The following ROR2 variants were observed in gnomAD, a reference collection of about 807,000 sequenced individuals.
ROR2 encodes the protein ROR family WNT receptor 2.
A neutral mutation model predicts 74.9 loss-of-function variants in ROR2; 33 were observed. The observed-to-expected ratio is 0.44, with a 90% CI of 0.33 to 0.59. ROR2 has a LOEUF of 0.59. ROR2 is among the 20% of genes least tolerant of loss of function. ROR2 has a pLI of 0.02. For missense variants in ROR2, 1,216 were observed against 1,313.8 expected, an observed-to-expected ratio of 0.93 and a Z score of 1.15; for synonymous variants, 586 against 558.7, an observed-to-expected ratio of 1.05 and a Z score of -0.69.
At chr9:91,838,961 T>G (rs1294915690) in intron 1 of ROR2, among the ~76,000 whole-genome samples, 3 of 152,090 alleles carry the variant, frequency 2.0e-5, no homozygotes, top group Non-Finnish European at 4.4e-5. Flanking sequence ...TAGATAAATT[T>G]CAGTTTGGGA....
At chr9:91,870,913 A>G (rs1252437888) in intron 1 of ROR2, among the ~76,000 whole-genome samples, 1 of 152,260 alleles carries the variant, frequency 6.6e-6, no homozygotes, top group African/African-American at 2.4e-5. Flanking sequence ...TAGTTTCTGG[A>G]ATGCTATCAA....
intron 1 of ROR2, among the ~76,000 whole-genome samples, chr9:91,839,798 G>C (rs73651569): frequency 6.6e-6 from 1 of 151,668 alleles, no homozygotes; most frequent in Non-Finnish European, 1.5e-5. Flanking sequence ...TGTCCCGGGG[G>C]AGCCTCGGGA....
chr9:91,939,011 G>A (rs909218609), intron 1 of ROR2, among the ~76,000 whole-genome samples: 45 of 152,184 alleles, frequency 3.0e-4, no homozygotes, highest in Non-Finnish European at 3.2e-4. Context: ...AGCACTGTGG[G>A]AGGCCAAGGC....
chr9:91,909,405 G>A (rs917084178), intron 1 of ROR2, among the ~76,000 whole-genome samples: 15 of 152,278 alleles, frequency 9.9e-5, no homozygotes, highest in Non-Finnish European at 1.9e-4. Context: ...GTGTTGCCAA[G>A]GCTGGAGTGT....
chr9:91,795,423 T>C (rs1756969713), intron 1 of ROR2, among the ~76,000 whole-genome samples: 1 of 152,242 alleles, frequency 6.6e-6, no homozygotes, highest in African/African-American at 2.4e-5. Context: ...AAACTACTGT[T>C]TGTGATTATC....
chr9:91,792,543 T>C (rs562247822), intron 1 of ROR2, among the ~76,000 whole-genome samples: 54 of 152,226 alleles, frequency 3.5e-4, no homozygotes, highest in Non-Finnish European at 4.6e-4. Flanking sequence ...CTCCTGACCT[T>C]GTGATCCGCC....
chr9:91,915,885 C>G (rs988835702), intron 1 of ROR2, among the ~76,000 whole-genome samples: 3 of 152,154 alleles, frequency 2.0e-5, no homozygotes, highest in African/African-American at 7.2e-5. Context: ...TCCTATAAAA[C>G]GAAAAAGTTC....
At chr9:91,806,880 C>T (rs772895838) in intron 1 of ROR2, among the ~76,000 whole-genome samples, 2 of 152,302 alleles carry the variant, frequency 1.3e-5, no homozygotes, top group Non-Finnish European at 2.9e-5. Flanking sequence ...TAAGCCATCG[C>T]GCCTGGCCGA....
At chr9:91,885,867 CCTTT>C (rs1454412953) in intron 1 of ROR2, among the ~76,000 whole-genome samples, 1 of 130,112 alleles carries the variant, frequency 7.7e-6, no homozygotes, top group Non-Finnish European at 1.6e-5. Context: ...AGTATGGTTT[CCTTT>C]TTTTTTTTTT....
At chr9:91,887,213 A>T (rs1830307633) in intron 1 of ROR2, 1 of 152,234 alleles carries the variant, frequency 6.6e-6, no homozygotes, top group Non-Finnish European at 1.5e-5. Flanking sequence ...ATAGGTTTGG[A>T]AACACAGTAT....
intron 1 of ROR2, among the ~76,000 whole-genome samples, chr9:91,788,990 G>C (rs1826887382): frequency 6.6e-6 from 1 of 152,130 alleles, no homozygotes; most frequent in African/African-American, 2.4e-5. Flanking sequence ...GGAAGGAGAA[G>C]AAAGGATTGG....
chr9:91,775,492 T>G (rs1310847389), intron 2 of ROR2, among the ~76,000 whole-genome samples: 1 of 152,112 alleles, frequency 6.6e-6, no homozygotes, highest in East Asian at 1.9e-4. Context: ...TTTCCCCATC[T>G]GCCAGGCCGC....
intron 1 of ROR2, among the ~76,000 whole-genome samples, chr9:91,858,703 G>A (rs942387359): frequency 1.1e-4 from 16 of 152,164 alleles, no homozygotes; most frequent in Admixed American, 1.0e-3. Context: ...ACAGCTCACA[G>A]GCAGTAATAA....
At position 91,905,354 on chromosome 9, in the gene ROR2, A is replaced by C. The variant is rs1302571323; in HGVS notation, c.97+44513T>G. The stretch of plus-strand genomic sequence containing the variant: ...CACACAACACATACACAACCATCAC[A>C]CACCATACACACAAGACACACAACA... On this transcript the variant is annotated intron_variant, in intron 1 of 8. Transcript: ENST00000375708. This position sits in a 1 kb window ranked among gnomAD's most constrained non-coding sequence, Gnocchi z 5.3. 1.3e-5 allele frequency among the ~76,000 whole-genome samples: 2 copies of C among 151,878 alleles called. No individual in the cohort carries two copies. Among genetic ancestry groups the C allele is most frequent in the Non-Finnish European group, 1.5e-5 (1 of 67,944 alleles).
intron 1 of ROR2, among the ~76,000 whole-genome samples, chr9:91,935,447 C>A (rs1295604351): frequency 6.6e-6 from 1 of 152,240 alleles, no homozygotes; most frequent in Non-Finnish European, 1.5e-5. Context: ...CCATTTGGTC[C>A]TAACACAGCC....
rs183216306 is a variant in ROR2 at position 91,941,084 on chromosome 9, G to A, written c.97+8783C>T. Among the ~76,000 whole-genome samples the A allele has an allele frequency of 7.1e-3, 989 of 138,926 alleles. 9 individuals carry two copies. The highest frequency in any genetic ancestry group is 0.025 in the African/African-American group (928 of 36,778). 91.1% of individuals were successfully genotyped at this position (138,926 alleles called of 152,430 possible). A position where few individuals can be genotyped will look rare whatever the true frequency, so the allele number is the denominator to read the frequency against. The stretch of plus-strand genomic sequence containing the variant: ...GCTATCTCGGCTCACTGCAAGCTCC[G>A]CCTCCTGGGTTCACACCATTCTCCT... On this transcript the variant is annotated intron_variant, in intron 1 of 8. Coordinates refer to ENST00000375708, the MANE Select transcript of ROR2 (RefSeq NM_004560.4).
intron 1 of ROR2, chr9:91,948,742 A>G: frequency 1.0e-6 from 1 of 985,442 alleles, no homozygotes. Context: ...GATGGGGGAT[A>G]CTGAAGCCCA....
chr9:91,909,841 T>A (rs1475042281), intron 1 of ROR2, among the ~76,000 whole-genome samples: 2 of 90,152 alleles, frequency 2.2e-5, no homozygotes, highest in African/African-American at 1.1e-4. Flanking sequence ...TTTTTAGGTT[T>A]GTTTTGTTTT....
rs374492597 is a variant in ROR2 at position 91,733,299 on chromosome 9, C to G, written c.760G>C (p.Asp254His). Residue 254 changes from aspartate (D) to histidine (H), a missense_variant, in exon 6 of 9, where the codon GAC becomes CAC. By Grantham distance (81) the Asp-to-His change is moderately conservative. Coordinates refer to ENST00000375708, the MANE Select transcript of ROR2 (RefSeq NM_004560.4). This position sits in a 1 kb window ranked among gnomAD's most constrained non-coding sequence, Gnocchi z 5.7. The stretch of plus-strand genomic sequence containing the variant: ...TCGCTCTCCAGCACCTCGCACTCGT[C>G]GCGGCACAGCTCACGCGGCTTGGGT... Reference protein sequence around the residue: ...RTPKPRELCRDECEVLESDLC... With the variant: ...RTPKPRELCRHECEVLESDLC... The G allele has an allele frequency of 5.6e-6, 9 of 1,612,800 alleles. No homozygotes were observed. Among genetic ancestry groups the G allele is most frequent in the Non-Finnish European group, 7.6e-6 (9 of 1,179,738 alleles).
Sources: allele counts gnomAD v4.1 joint callset (sites outside exome capture counted in the v4.1 genomes callset), GRCh38; gene constraint gnomAD v4.1.1; non-coding constraint Gnocchi (gnomAD v3.1); transcripts MANE v1.5; gene names NCBI Gene and HGNC (gene_info 2026-07-23, HGNC 2026-07-21).